CENPP: variants seen among roughly 807,000 people sequenced by gnomAD.
CENPP encodes the protein centromere protein P.
A neutral mutation model predicts 35.6 loss-of-function variants in CENPP; 24 were observed. That is an observed-to-expected ratio of 0.67 (90% CI 0.49 to 0.95). The LOEUF (loss-of-function observed/expected upper bound fraction) is 0.95, where lower values mean the gene tolerates loss of function less well. Among genes scored for constraint, CENPP ranks in the 40% least tolerant of loss-of-function variants. The probability of loss-of-function intolerance (pLI) is 0.00; values close to 1 mark genes in which losing one functional copy is unlikely to be tolerated. For synonymous variants in CENPP, 120 were observed against 125.5 expected, an observed-to-expected ratio of 0.96 and a Z score of 0.29; for missense variants, 332 against 345.3, an observed-to-expected ratio of 0.96 and a Z score of 0.31.
intron 5 of CENPP, among the ~76,000 whole-genome samples, chr9:92,473,422 T>C (rs1032422299): frequency 6.6e-6 from 1 of 152,230 alleles, no homozygotes; most frequent in African/African-American, 2.4e-5. Flanking sequence ...TGCTTTAACA[T>C]GCACCCACTT....
intron 5 of CENPP, among the ~76,000 whole-genome samples, chr9:92,546,902 C>A (rs1291220652): frequency 6.6e-6 from 1 of 152,154 alleles, no homozygotes; most frequent in Admixed American, 6.6e-5. Context: ...AGAGATACCA[C>A]AGGTCTCTAT....
chr9:92,600,352 G>A lies in CENPP; in HGVS notation c.565-10962G>A, dbSNP rs1048074943. ...GTTTATTAAAATTCCCCAGCTCTTC[G>A]TTTTAAAAATGCCATTGGGATATAT... On this transcript the variant is annotated intron_variant, in intron 5 of 7. Transcript: ENST00000375587. The A allele has an allele frequency of 2.0e-5, 31 of 1,544,046 alleles. No individual in the cohort carries two copies. In the African/African-American group the frequency reaches 2.3e-4, roughly 12 times the overall value.
At chr9:92,560,656 G>A (rs1487609656) in intron 5 of CENPP, among the ~76,000 whole-genome samples, 1 of 152,118 alleles carries the variant, frequency 6.6e-6, no homozygotes, top group Admixed American at 6.6e-5. Flanking sequence ...CTGTTTGGCT[G>A]TCCTCAAACT....
At chr9:92,555,742 G>C (rs570760478) in intron 5 of CENPP, among the ~76,000 whole-genome samples, 2 of 152,126 alleles carry the variant, frequency 1.3e-5, no homozygotes, top group East Asian at 3.9e-4. Flanking sequence ...AATATCTCCT[G>C]TTTTGTTTCT....
intron 5 of CENPP, among the ~76,000 whole-genome samples, chr9:92,438,159 A>T (rs1844294123): frequency 6.6e-6 from 1 of 152,186 alleles, no homozygotes; most frequent in Non-Finnish European, 1.5e-5. Context: ...GTCAAGTCTA[A>T]GAACTCTTTG....
chr9:92,499,661 A>G (rs1409985189), intron 5 of CENPP, among the ~76,000 whole-genome samples: 3 of 152,222 alleles, frequency 2.0e-5, no homozygotes, highest in Non-Finnish European at 4.4e-5. Flanking sequence ...AAAAATTTTG[A>G]AACTGAATTT....
rs1000408994 is a variant in CENPP, at chr9:92,465,128, G to T, written c.564+85269G>T. 31 of 820,840 alleles carry T rather than the reference G, an allele frequency of 3.8e-5. No individual in the cohort carries two copies. In the Admixed American group the frequency reaches 3.8e-4, roughly 10 times the overall value. 50.8% of individuals were successfully genotyped at this position (820,840 alleles called of 1,614,324 possible). A position where few individuals can be genotyped will look rare whatever the true frequency, so the allele number is the denominator to read the frequency against. On this transcript the variant is annotated intron_variant, in intron 5 of 7. Transcript: ENST00000375587. ...ATCCCAAGAATGAATATCCCAAGAA[G>T]CGTGAGCTTCATCCTTTAGGCTCAT...
chr9:92,607,122 T>C (rs1851103366), intron 5 of CENPP, among the ~76,000 whole-genome samples: 1 of 152,164 alleles, frequency 6.6e-6, no homozygotes, highest in South Asian at 2.1e-4. Context: ...ATAGAGAAGT[T>C]TTATAGTTTT....
At chr9:92,431,055 A>G (rs112708496) in intron 5 of CENPP, among the ~76,000 whole-genome samples, 6,021 of 152,108 alleles carry the variant, frequency 0.04, 150 homozygotes, top group Middle Eastern at 0.075. Flanking sequence ...CAGCCTCCCA[A>G]TGTGCTGGGA....
At chr9:92,327,332 C>T (rs990901634) in intron 1 of CENPP, among the ~76,000 whole-genome samples, 1 of 152,150 alleles carries the variant, frequency 6.6e-6, no homozygotes, top group African/African-American at 2.4e-5. Context: ...GCAAAGTGGC[C>T]ATCCTGACAG....
chr9:92,582,735 T>C (rs181514517), intron 5 of CENPP, among the ~76,000 whole-genome samples: 97 of 152,180 alleles, frequency 6.4e-4, no homozygotes, highest in African/African-American at 2.2e-3. Context: ...TGGTGGCAAG[T>C]AATAGAAACA....
At position 92,474,760 on chromosome 9, in the gene CENPP, A is replaced by G. The variant is rs1411457831; in HGVS notation, c.564+94901A>G. ...AGTTGTCCTCATCATCATCATCATC[A>G]TCATCATCATCATCATCATCATCAT... On this transcript the variant is annotated intron_variant, in intron 5 of 7. Transcript: ENST00000375587. The G allele has an allele frequency of 6.8e-6, 11 of 1,611,962 alleles. No individual in the cohort carries two copies. In the East Asian group the frequency reaches 1.8e-4, roughly 26 times the overall value.
chr9:92,337,477 A>G (rs1840967312), intron 2 of CENPP, 64 bp from the exon 3 acceptor site: 1 of 915,372 alleles, frequency 1.1e-6, no homozygotes. Flanking sequence ...ACACAAAATT[A>G]AATAATACAC....
intron 5 of CENPP, chr9:92,415,239 G>GTGATCTTCACTTTCATCA: frequency 7.4e-6 from 12 of 1,613,478 alleles, no homozygotes; most frequent in Non-Finnish European, 9.3e-6. Context: ...CAGGATCATC[G>GTGATCTTCACTTTCATCA]TGATCTTCAC....
chr9:92,515,873 G>C (rs928859707), intron 5 of CENPP, among the ~76,000 whole-genome samples: 5 of 152,126 alleles, frequency 3.3e-5, no homozygotes, highest in African/African-American at 9.7e-5. Context: ...CTTTAACTTA[G>C]ACATATGCCC....
chr9:92,515,189 G>A lies in CENPP; in HGVS notation c.565-96125G>A, dbSNP rs147912487. On this transcript the variant is annotated intron_variant, in intron 5 of 7. Transcript: ENST00000375587. Reference sequence around the variant, plus strand: ...CTATCATTTAATGCTATACCACTGAGTAGAGAATAGGAGACTAATGACCAC... The same window carrying A: ...CTATCATTTAATGCTATACCACTGAATAGAGAATAGGAGACTAATGACCAC... The A allele has an allele frequency of 2.0e-5, 31 of 1,585,006 alleles. No homozygotes were observed. The African/African-American group carries it at 3.8e-4, about 19-fold the overall frequency.
At chr9:92,460,665 T>A in intron 5 of CENPP, 1 of 715,416 alleles carries the variant, frequency 1.4e-6, no homozygotes. Context: ...TTTAGGCAAC[T>A]TTTTAGGCAC....
chr9:92,472,422 G>A (rs920356452), intron 5 of CENPP, among the ~76,000 whole-genome samples: 3 of 151,660 alleles, frequency 2.0e-5, no homozygotes, highest in Admixed American at 1.3e-4. Context: ...CACTTTCGGA[G>A]GCCGAGTCGG....
intron 5 of CENPP, chr9:92,510,058 A>C: frequency 1.9e-6 from 3 of 1,583,634 alleles, no homozygotes; most frequent in Non-Finnish European, 2.6e-6. Context: ...TCTCAAAGTT[A>C]CTTTTTTATC....
Sources: allele counts gnomAD v4.1 joint callset (sites outside exome capture counted in the v4.1 genomes callset), GRCh38; gene constraint gnomAD v4.1.1; transcripts MANE v1.5; gene names NCBI Gene and HGNC (gene_info 2026-07-23, HGNC 2026-07-21).